RYR2: variants seen among roughly 807,000 people sequenced by gnomAD.
The protein encoded by RYR2 is cardiac muscle ryanodine receptor-calcium release channel.
RYR2 carries 227 observed loss-of-function variants against 601.1 expected under a neutral mutation model. The observed-to-expected ratio is 0.38, with a 90% CI of 0.34 to 0.42. RYR2 has a LOEUF of 0.42. Ranked by LOEUF, RYR2 falls within the 10% of genes least tolerant of loss-of-function variation. RYR2 has a pLI of 1.00. For missense variants in RYR2, 4,646 were observed against 6,156.5 expected (o/e 0.75, Z 8.21); for synonymous variants, 2,223 against 2,175.1 (o/e 1.02, Z -0.61).
intron 29 of RYR2, among the ~76,000 whole-genome samples, chr1:237,583,172 T>A (rs1216798875): frequency 2.0e-5 from 3 of 152,154 alleles, no homozygotes; most frequent in Non-Finnish European, 4.4e-5. Flanking sequence ...ATTTCTCTGA[T>A]GATTAGCAAT....
intron 69 of RYR2, 27 bp from the exon 70 acceptor site, chr1:237,709,453 A>G: frequency 6.8e-7 from 1 of 1,477,642 alleles, no homozygotes; most frequent in Non-Finnish European, 9.4e-7. Context: ...GTAGCTGAGA[A>G]ACCACTTTAT....
At chr1:237,828,310 G>C in intron 101 of RYR2, 71 bp from the exon 102 acceptor site, 1 of 1,091,532 alleles carries the variant, frequency 9.2e-7, no homozygotes, top group Non-Finnish European at 1.4e-6. Context: ...CCTTTCCCTG[G>C]GGGGATTAGC....
chr1:237,351,105 C>G (rs1003583638), intron 3 of RYR2, among the ~76,000 whole-genome samples: 2 of 151,938 alleles, frequency 1.3e-5, no homozygotes, highest in Non-Finnish European at 2.9e-5. Flanking sequence ...AAAGGAATTG[C>G]AAATCCATAA....
At chr1:237,813,512 G>C (rs564527421) in intron 100 of RYR2, among the ~76,000 whole-genome samples, 4 of 152,112 alleles carry the variant, frequency 2.6e-5, no homozygotes, top group African/African-American at 9.7e-5. Context: ...TTATGCAGTC[G>C]TCATAGTTGA....
At chr1:237,540,524 T>A (rs1375317133) in intron 25 of RYR2, among the ~76,000 whole-genome samples, 1 of 151,950 alleles carries the variant, frequency 6.6e-6, no homozygotes, top group Non-Finnish European at 1.5e-5. Context: ...CTGGCCAACA[T>A]GGTGAAACTC....
Position 237,208,986 on chromosome 1 carries a change from G to GTATATATATA in RYR2, c.49-61507_49-61506insTATATATATA, listed in dbSNP as rs1325820873. Among the ~76,000 whole-genome samples the GTATATATATA allele has an allele frequency of 4.6e-3, 397 of 86,374 alleles. 5 individuals are homozygous for GTATATATATA. The highest frequency in any genetic ancestry group is 0.018 in the African/African-American group (368 of 20,598). 56.7% of individuals were successfully genotyped at this position (86,374 alleles called of 152,430 possible). A position where few individuals can be genotyped will look rare whatever the true frequency, so the allele number is the denominator to read the frequency against. ...TATATATATATATATATATATATATGTATACTGTAATTGAACTATGATTCA... is the reference window on the plus strand; with the variant it reads ...TATATATATATATATATATATATATGTATATATATATATACTGTAATTGAACTATGATTCA... On this transcript the variant is annotated intron_variant, in intron 1 of 104. Coordinates refer to ENST00000366574, the MANE Select transcript of RYR2 (RefSeq NM_001035.3).
At chr1:237,814,958 CTTTTTTCTTTTTTT>C (rs1416505115) in intron 100 of RYR2, among the ~76,000 whole-genome samples, 6 of 122,616 alleles carry the variant, frequency 4.9e-5, no homozygotes, top group African/African-American at 6.3e-5. Context: ...CTCCTTTTTT[CTTTTTTCTTTTTTT>C]TTTTTTTTTT....
chr1:237,730,566 G>C (rs990482309), intron 77 of RYR2, among the ~76,000 whole-genome samples: 1 of 151,870 alleles, frequency 6.6e-6, no homozygotes. Context: ...AACATCAAGG[G>C]GTTGAGAATT....
chr1:237,325,869 A>T (rs80124763), intron 2 of RYR2, among the ~76,000 whole-genome samples: 4 of 152,210 alleles, frequency 2.6e-5, no homozygotes, highest in Admixed American at 6.5e-5. Flanking sequence ...TGATTTAAAA[A>T]TATGAAATAG....
chr1:237,413,871 T>G (rs1199866980), intron 10 of RYR2, among the ~76,000 whole-genome samples: 4 of 152,134 alleles, frequency 2.6e-5, no homozygotes, highest in Non-Finnish European at 5.9e-5. Context: ...AGATTAAAAG[T>G]GTTCAAAGTT....
In RYR2 at chr1:237,352,515, T is replaced by A. The variant is rs747382131; in HGVS notation, c.274-3450T>A. ...GGCTCAATATTACAAAGATGACAGTTCTCTTCCAATTGATCAGGTAGATCA... is the reference window on the plus strand; with the variant it reads ...GGCTCAATATTACAAAGATGACAGTACTCTTCCAATTGATCAGGTAGATCA... On this transcript the variant is annotated intron_variant, in intron 3 of 104. Coordinates refer to ENST00000366574, the MANE Select transcript of RYR2 (RefSeq NM_001035.3). Among the ~76,000 whole-genome samples, 59 of 152,236 alleles carry A rather than the reference T, an allele frequency of 3.9e-4. 1 individual carries two copies. Among genetic ancestry groups the A allele is most frequent in the Admixed American group, 2.4e-3 (36 of 15,276 alleles).
chr1:237,548,672 C>G lies in RYR2; in HGVS notation c.3066+82C>G. 3 of 1,509,204 alleles carry G rather than the reference C, an allele frequency of 2.0e-6. No homozygotes were observed. In the South Asian group the frequency reaches 3.8e-5, roughly 19 times the overall value. The allele number at this position is 1,509,204 out of a possible 1,614,324, so 93.5% of individuals were successfully genotyped here. ...TGTAACAGGAAGGATTACATAATGACTATTTTAAAACTTGTATCATATAGA... is the reference window on the plus strand; with the variant it reads ...TGTAACAGGAAGGATTACATAATGAGTATTTTAAAACTTGTATCATATAGA... On this transcript the variant is annotated intron_variant, in intron 26 of 104. Coordinates refer to ENST00000366574, the MANE Select transcript of RYR2 (RefSeq NM_001035.3).
At chr1:237,356,098 C>T in intron 4 of RYR2, 113 bp downstream of exon 4, 3 of 878,026 alleles carry the variant, frequency 3.4e-6, no homozygotes, top group Non-Finnish European at 5.5e-6. Context: ...AGTGTTCAAA[C>T]TAACTGCTTC....
intron 1 of RYR2, among the ~76,000 whole-genome samples, chr1:237,051,539 TC>T (rs1318489224): frequency 6.6e-6 from 1 of 151,986 alleles, no homozygotes; most frequent in African/African-American, 2.4e-5. Flanking sequence ...TGAGAGGAGT[TC>T]CTCTGATCTT....
intron 21 of RYR2, among the ~76,000 whole-genome samples, 197 bp from the exon 22 acceptor site, chr1:237,503,092 A>T (rs1664837239): frequency 6.6e-6 from 1 of 152,146 alleles, no homozygotes; most frequent in African/African-American, 2.4e-5. Context: ...TTTGATGAAT[A>T]TGATGTCCTC....
chr1:237,258,319 C>T (rs1688196815), intron 1 of RYR2, among the ~76,000 whole-genome samples: 1 of 151,966 alleles, frequency 6.6e-6, no homozygotes, highest in African/African-American at 2.4e-5. Flanking sequence ...GTAGATCATG[C>T]AATATGTCTG....
At chr1:237,573,431 C>T (rs921416472) in intron 29 of RYR2, among the ~76,000 whole-genome samples, 4 of 151,324 alleles carry the variant, frequency 2.6e-5, no homozygotes, top group African/African-American at 9.7e-5. Flanking sequence ...TTCTATATAC[C>T]GTCAAAAAGA....
At chr1:237,697,993 A>G (rs1433398390) in intron 63 of RYR2, among the ~76,000 whole-genome samples, 1 of 152,108 alleles carries the variant, frequency 6.6e-6, no homozygotes, top group Non-Finnish European at 1.5e-5. Flanking sequence ...TTCAGTGTGT[A>G]CTTAGGTCAT....
rs750957668 is a variant in RYR2, at chr1:237,515,882, TCTC to T, written c.2822+4099_2822+4101del. ...TCTTCTCTCTTCTTTTCCTTCCTCT[TCTC>T]CTCCTCCCTCTTCTCCTTCTCCCTC... On this transcript the variant is annotated intron_variant, in intron 24 of 104. Transcript: ENST00000366574. Among the ~76,000 whole-genome samples, 427 of 137,978 alleles carry T rather than the reference TCTC, an allele frequency of 3.1e-3. 1 individual carries two copies. The highest frequency in any genetic ancestry group is 4.6e-3 in the Non-Finnish European group (288 of 62,722). The allele number at this position is 137,978 out of a possible 152,430, so 90.5% of individuals were successfully genotyped here.
Sources: gnomAD v4.1 joint callset for allele counts (sites outside exome capture counted in the v4.1 genomes callset) on GRCh38, gnomAD v4.1.1 for gene constraint, MANE v1.5 for transcripts, NCBI Gene and HGNC (gene_info 2026-07-23, HGNC 2026-07-21) for gene names.